Variants in RAB38 observed in about 807,000 individuals in gnomAD.
RAB38 encodes RAB38, member RAS oncogene family, also known as ras-related protein Rab-38.
A neutral mutation model predicts 18.4 loss-of-function variants in RAB38; 15 were observed. That is an observed-to-expected ratio of 0.82 (90% confidence interval 0.55 to 1.26). The LOEUF is 1.26. RAB38 is among the 50% of genes most tolerant of loss of function. The pLI is 0.00. For missense variants in RAB38, 294 were observed against 267.4 expected, an observed-to-expected ratio of 1.10 and a Z score of -0.69; for synonymous variants, 101 against 104.4, an observed-to-expected ratio of 0.97 and a Z score of 0.20.
At chr11:87,892,606 A>C in the RAB38 span, among the ~76,000 whole-genome samples, 18 of 151,910 alleles carry the variant, frequency 1.2e-4, no homozygotes, top group African/African-American at 4.3e-4. Flanking sequence ...TTTCTACTTC[A>C]GCTCCTACTA....
chr11:88,109,760 T>C (rs1477687907), downstream of RAB38, among the ~76,000 whole-genome samples: 6 of 152,140 alleles, frequency 3.9e-5, no homozygotes, highest in African/African-American at 1.4e-4. Context: ...AACAAACATA[T>C]GAATAAAAGC....
the RAB38 span, among the ~76,000 whole-genome samples, chr11:88,031,998 AC>A: frequency 6.6e-6 from 1 of 151,064 alleles, no homozygotes; most frequent in African/African-American, 2.4e-5. Context: ...GGCTACAGTA[AC>A]CAAAACAGCA....
the RAB38 span, among the ~76,000 whole-genome samples, chr11:87,903,527 T>C: frequency 3.3e-5 from 5 of 151,606 alleles, no homozygotes; most frequent in South Asian, 6.2e-4. Flanking sequence ...TGTGTTTGTA[T>C]TGTAAATGTT....
the RAB38 span, among the ~76,000 whole-genome samples, chr11:88,043,601 G>GCCC: frequency 1.2e-5 from 1 of 86,786 alleles, no homozygotes; most frequent in Non-Finnish European, 2.9e-5. Flanking sequence ...AGCACCTTGT[G>GCCC]ACCCCCCCAC....
At chr11:87,921,223 T>G in the RAB38 span, among the ~76,000 whole-genome samples, 6 of 152,012 alleles carry the variant, frequency 3.9e-5, 1 homozygote, top group African/African-American at 1.4e-4. Context: ...GTGAAAGCAA[T>G]CCATATTAAG....
the RAB38 span, among the ~76,000 whole-genome samples, chr11:87,932,376 G>C: frequency 2.0e-5 from 3 of 152,032 alleles, no homozygotes; most frequent in African/African-American, 7.2e-5. Context: ...CCAGAAGGGA[G>C]AGAAAAACCT....
At chr11:88,092,065 G>A in the RAB38 span, among the ~76,000 whole-genome samples, 1 of 151,686 alleles carries the variant, frequency 6.6e-6, no homozygotes, top group African/African-American at 2.4e-5. Flanking sequence ...TGGTGCTGTT[G>A]GGAACATCGT....
At chr11:87,894,146 C>A in the RAB38 span, among the ~76,000 whole-genome samples, 3 of 151,636 alleles carry the variant, frequency 2.0e-5, no homozygotes, top group Non-Finnish European at 3.0e-5. Flanking sequence ...TAGTTAGATT[C>A]ATTCCTAAGT....
chr11:88,006,100 C>CA, the RAB38 span, among the ~76,000 whole-genome samples: 2 of 150,892 alleles, frequency 1.3e-5, no homozygotes, highest in Non-Finnish European at 3.0e-5. Context: ...AAACATTCAA[C>CA]AAAAAATGTG....
the RAB38 span, among the ~76,000 whole-genome samples, chr11:88,021,367 G>A: frequency 1.3e-5 from 2 of 152,054 alleles, no homozygotes; most frequent in Admixed American, 1.3e-4. Context: ...GACACATACA[G>A]CCTACCAAGA....
the RAB38 span, among the ~76,000 whole-genome samples, chr11:87,962,535 A>C: frequency 0.26 from 40,045 of 151,966 alleles, 5,468 homozygotes; most frequent in African/African-American, 0.31. Flanking sequence ...ATGCTGGTCA[A>C]AGGATATGAA....
At chr11:87,889,952 T>C in the RAB38 span, among the ~76,000 whole-genome samples, 16 of 151,830 alleles carry the variant, frequency 1.1e-4, no homozygotes, top group Non-Finnish European at 2.2e-4. Flanking sequence ...TCGTTGATGA[T>C]ATTAACAGTA....
intron 1 of RAB38, chr11:88,167,811 CA>C (rs1943263340): frequency 6.6e-6 from 1 of 152,106 alleles, no homozygotes; most frequent in Admixed American, 6.5e-5. Context: ...TGAAGGACAT[CA>C]GTCTAATTCA....
the RAB38 span, among the ~76,000 whole-genome samples, chr11:88,053,383 T>C: frequency 2.9e-3 from 136 of 46,570 alleles, 9 homozygotes; most frequent in African/African-American, 7.2e-3. Flanking sequence ...TATATATATA[T>C]ACACACACAT....
At chr11:88,024,972 G>A in the RAB38 span, among the ~76,000 whole-genome samples, 1 of 152,076 alleles carries the variant, frequency 6.6e-6, no homozygotes, top group South Asian at 2.1e-4. Context: ...AGAGACTAGA[G>A]TCAATAATGA....
chr11:87,889,756 C>T, the RAB38 span, among the ~76,000 whole-genome samples: 27,563 of 151,286 alleles, frequency 0.18, 3,013 homozygotes, highest in East Asian at 0.41. Context: ...TCTTACATCA[C>T]ACTTTCCTTA....
chr11:87,973,582 G>C, the RAB38 span, among the ~76,000 whole-genome samples: 1 of 152,016 alleles, frequency 6.6e-6, no homozygotes, highest in Non-Finnish European at 1.5e-5. Flanking sequence ...AGTGAAGAGA[G>C]CTTCTGAAAT....
the RAB38 span, among the ~76,000 whole-genome samples, chr11:87,900,750 A>G: frequency 1.3e-5 from 2 of 150,978 alleles, no homozygotes; most frequent in South Asian, 2.1e-4. Context: ...GGGAGGGAAG[A>G]AGGAAGATGG....
chr11:88,078,075 T>C, the RAB38 span, among the ~76,000 whole-genome samples: 1 of 152,096 alleles, frequency 6.6e-6, no homozygotes, highest in Admixed American at 6.6e-5. Flanking sequence ...TAAAAAATCC[T>C]CAACATCACT....
Sources: gnomAD v4.1 joint callset for allele counts (sites outside exome capture counted in the v4.1 genomes callset) on GRCh38, gnomAD v4.1.1 for gene constraint, MANE v1.5 for transcripts, NCBI Gene and HGNC (gene_info 2026-07-23, HGNC 2026-07-21) for gene names.